The following RABGAP1L variants were observed in gnomAD, a reference collection of about 807,000 sequenced individuals.
RABGAP1L encodes RAB GTPase activating protein 1 like, also known as rab GTPase-activating protein 1-like.
RABGAP1L carries 63 observed loss-of-function variants against 137.7 expected under a neutral mutation model. That is an observed-to-expected ratio of 0.46 (90% confidence interval 0.37 to 0.56). RABGAP1L has a LOEUF of 0.56. Among genes scored for constraint, RABGAP1L ranks in the 20% least tolerant of loss-of-function variants. The pLI, the probability that RABGAP1L is intolerant of heterozygous loss-of-function variation, is 0.00. For missense variants in RABGAP1L, 1,095 were observed against 1,244.0 expected, an observed-to-expected ratio of 0.88 and a Z score of 1.80; for synonymous variants, 431 against 433.7, an observed-to-expected ratio of 0.99 and a Z score of 0.08.
chr1:174,464,820 T>C (rs1474308772), intron 13 of RABGAP1L, among the ~76,000 whole-genome samples: 3 of 152,138 alleles, frequency 2.0e-5, no homozygotes, highest in Non-Finnish European at 4.4e-5. Flanking sequence ...TCTTTATGTA[T>C]AGTTTTATTA....
At chr1:174,814,930 C>T (rs1458672890) in intron 19 of RABGAP1L, among the ~76,000 whole-genome samples, 10 of 152,102 alleles carry the variant, frequency 6.6e-5, no homozygotes, top group African/African-American at 7.2e-5. Flanking sequence ...CCAAGTAATC[C>T]GTCCGTCTCA....
intron 13 of RABGAP1L, among the ~76,000 whole-genome samples, chr1:174,421,748 T>C (rs1651318049): frequency 6.6e-6 from 1 of 152,180 alleles, no homozygotes; most frequent in African/African-American, 2.4e-5. Flanking sequence ...AGTTTGTGTT[T>C]TTTGTTGTTG....
intron 19 of RABGAP1L, among the ~76,000 whole-genome samples, chr1:174,951,251 T>A (rs1667659838): frequency 6.6e-6 from 1 of 152,224 alleles, no homozygotes; most frequent in Non-Finnish European, 1.5e-5. Context: ...CAGCTTTACT[T>A]TAATCATCTG....
At chr1:174,576,418 G>A (rs950585647) in intron 13 of RABGAP1L, among the ~76,000 whole-genome samples, 27 of 152,208 alleles carry the variant, frequency 1.8e-4, no homozygotes, top group Non-Finnish European at 2.9e-4. Flanking sequence ...GCTTTTCTGG[G>A]ATAGGAATCT....
chr1:174,871,375 G>T (rs1454773032), intron 19 of RABGAP1L, among the ~76,000 whole-genome samples: 2 of 150,654 alleles, frequency 1.3e-5, no homozygotes, highest in African/African-American at 2.4e-5. Context: ...AGCGTGATCT[G>T]CCTGCCTTGG....
intron 13 of RABGAP1L, among the ~76,000 whole-genome samples, chr1:174,525,233 G>C (rs1663772132): frequency 1.3e-5 from 2 of 152,066 alleles, no homozygotes; most frequent in Admixed American, 1.3e-4. Context: ...GCTTTGGGCA[G>C]TATGGTCATT....
chr1:174,875,451 G>A (rs775826522), intron 19 of RABGAP1L: 5 of 885,352 alleles, frequency 5.6e-6, no homozygotes, highest in Non-Finnish European at 6.8e-6. Context: ...CCCCTGGGTG[G>A]TTGCCAGCAG....
chr1:174,624,710 G>A (rs921957559), intron 13 of RABGAP1L, among the ~76,000 whole-genome samples: 1 of 152,074 alleles, frequency 6.6e-6, no homozygotes, highest in African/African-American at 2.4e-5. Context: ...AAAATGGTAA[G>A]AGAAGTATTG....
At chr1:174,904,998 G>A (rs1015947652) in intron 19 of RABGAP1L, among the ~76,000 whole-genome samples, 3 of 152,090 alleles carry the variant, frequency 2.0e-5, no homozygotes, top group African/African-American at 7.2e-5. Flanking sequence ...TTCTCACACT[G>A]CTGGGATAAT....
intron 12 of RABGAP1L, among the ~76,000 whole-genome samples, chr1:174,384,057 C>G (rs964950220): frequency 1.3e-5 from 2 of 152,106 alleles, no homozygotes; most frequent in Non-Finnish European, 2.9e-5. Context: ...ATGGATCAAC[C>G]AACTGTGGTA....
At chr1:174,878,060 G>C (rs779930219) in intron 19 of RABGAP1L, among the ~76,000 whole-genome samples, 14 of 152,046 alleles carry the variant, frequency 9.2e-5, no homozygotes, top group South Asian at 2.1e-4. Flanking sequence ...TTTTAGTTTG[G>C]CTTTAATATT....
At chr1:174,854,486 A>G (rs900602957) in intron 19 of RABGAP1L, among the ~76,000 whole-genome samples, 1 of 152,046 alleles carries the variant, frequency 6.6e-6, no homozygotes, top group African/African-American at 2.4e-5. Context: ...ACTGAAGGGA[A>G]TTATGAGCAA....
intron 10 of RABGAP1L, among the ~76,000 whole-genome samples, chr1:174,297,648 G>A (rs1558110018): frequency 1.3e-5 from 2 of 152,222 alleles, no homozygotes; most frequent in South Asian, 4.2e-4. Flanking sequence ...CTGTTTTGGG[G>A]GAAATGGCAG....
intron 13 of RABGAP1L, among the ~76,000 whole-genome samples, chr1:174,470,627 T>C (rs1657808665): frequency 1.3e-5 from 2 of 152,006 alleles, no homozygotes; most frequent in Admixed American, 1.3e-4. Flanking sequence ...ATTAGCTGGA[T>C]GTAGTGGTGG....
At chr1:174,863,500 C>A (rs1223477868) in intron 19 of RABGAP1L, among the ~76,000 whole-genome samples, 1 of 147,496 alleles carries the variant, frequency 6.8e-6, no homozygotes, top group Non-Finnish European at 1.5e-5. Flanking sequence ...GGTGAAACCC[C>A]GTCTCTACTA....
chr1:174,710,825 A>G (rs1680428042), intron 17 of RABGAP1L, among the ~76,000 whole-genome samples: 1 of 152,356 alleles, frequency 6.6e-6, no homozygotes, highest in East Asian at 1.9e-4. Flanking sequence ...TAACAAAATT[A>G]ACCTTAAATG....
intron 19 of RABGAP1L, among the ~76,000 whole-genome samples, chr1:174,896,542 A>G (rs2149139045): frequency 6.6e-6 from 1 of 152,286 alleles, no homozygotes; most frequent in East Asian, 1.9e-4. Context: ...GGTATTGCCT[A>G]GGTTTTCTTC....
At chr1:174,494,810 C>T (rs1487096598) in intron 13 of RABGAP1L, among the ~76,000 whole-genome samples, 1 of 152,096 alleles carries the variant, frequency 6.6e-6, no homozygotes, top group East Asian at 1.9e-4. Context: ...GCAGGGAATA[C>T]TAGTACCCAT....
chr1:174,636,989 A>C (rs988292748), intron 13 of RABGAP1L, among the ~76,000 whole-genome samples: 1 of 152,218 alleles, frequency 6.6e-6, no homozygotes, highest in African/African-American at 2.4e-5. Flanking sequence ...CCTTATTTTT[A>C]AAAAGTAACC....
Sources: allele counts gnomAD v4.1 joint callset (sites outside exome capture counted in the v4.1 genomes callset), GRCh38; gene constraint gnomAD v4.1.1; transcripts MANE v1.5; gene names NCBI Gene and HGNC (gene_info 2026-07-23, HGNC 2026-07-21).